YTHDC1: variants seen among roughly 807,000 people sequenced by gnomAD.
YTHDC1 encodes the protein YTH domain-containing protein 1.
YTHDC1 carries 12 observed loss-of-function variants against 107.0 expected under a neutral mutation model. The ratio of observed to expected loss-of-function variants is 0.11; its 90% confidence interval spans 0.07 to 0.18. YTHDC1 has a LOEUF of 0.18. Among genes scored for constraint, YTHDC1 ranks in the 10% least tolerant of loss-of-function variants. The pLI is 1.00. For synonymous variants in YTHDC1, 280 were observed against 289.5 expected (o/e 0.97, Z 0.33); for missense variants, 635 against 898.8 (o/e 0.71, Z 3.75).
chr4:68,318,822 T>C lies in YTHDC1; in HGVS notation c.1721+4A>G. On this transcript the variant is annotated splice_donor_region_variant and intron_variant, in intron 13 of 16. Transcript: ENST00000344157. ...AAAACTAGGCAAGAGTGAACCCGAC[T>C]TACCTGTCCACTTCCTGGTATCGTG... is the stretch of plus-strand genomic sequence containing the variant. 6.2e-7 allele frequency: 1 copy of C among 1,614,160 alleles called. No homozygotes were observed. Among genetic ancestry groups the C allele is most frequent in the South Asian group, 1.1e-5 (1 of 91,080 alleles).
In YTHDC1 at chr4:68,314,117, T is replaced by G; in HGVS notation, c.2166A>C (p.Arg722Ser). 2.5e-6 allele frequency: 4 copies of G among 1,614,116 alleles called. No individual in the cohort carries two copies. The highest frequency in any genetic ancestry group is 3.4e-6 in the Non-Finnish European group (4 of 1,180,012). ...AAGCCCATTATCTTCTATATCGACC[T>G]CTCTCCCCTCGGTCTCTGTCTCGAT... ...LCDRDRDRGE[R>S]GRYRR is the part of the protein sequence containing the mutation. Residue 722 changes from arginine to serine, a missense_variant, in exon 17 of 17, where the codon AGA becomes AGC. Coordinates refer to ENST00000344157, the MANE Select transcript of YTHDC1 (RefSeq NM_001031732.4).
intron 12 of YTHDC1, among the ~76,000 whole-genome samples, chr4:68,319,245 G>A (rs968372731): frequency 2.0e-5 from 3 of 152,052 alleles, no homozygotes; most frequent in Non-Finnish European, 4.4e-5. Flanking sequence ...GTATATGTAG[G>A]TCTTACCAAG....
intron 9 of YTHDC1, among the ~76,000 whole-genome samples, chr4:68,327,071 T>C (rs1211768347): frequency 6.6e-6 from 1 of 151,224 alleles, no homozygotes. Context: ...ACCCCGTCTC[T>C]ACTAAAAATA....
intron 1 of YTHDC1, among the ~76,000 whole-genome samples, chr4:68,341,875 G>C (rs535085483): frequency 8.7e-4 from 132 of 152,270 alleles, no homozygotes; most frequent in Non-Finnish European, 1.6e-3. Context: ...CTTAAAAAAG[G>C]TCAGTTTTGG....
intron 1 of YTHDC1, among the ~76,000 whole-genome samples, chr4:68,346,096 T>TATATATATATAC (rs1230266568): frequency 1.4e-5 from 2 of 140,382 alleles, no homozygotes; most frequent in African/African-American, 5.4e-5. Flanking sequence ...TATATATATA[T>TATATATATATAC]ATATACACAC....
chr4:68,349,523 G>C (rs1725839651), intron 1 of YTHDC1, among the ~76,000 whole-genome samples: 1 of 151,938 alleles, frequency 6.6e-6, no homozygotes, highest in African/African-American at 2.4e-5. Flanking sequence ...GAGATGAAGT[G>C]CTAGGCCATA....
chr4:68,346,099 A>ATATATATATATATATG (rs961023477), intron 1 of YTHDC1, among the ~76,000 whole-genome samples: 95 of 141,466 alleles, frequency 6.7e-4, no homozygotes, highest in African/African-American at 2.4e-3. Flanking sequence ...ATATATATAT[A>ATATATATATATATATG]TACACACACA....
rs1725150460 is a variant in YTHDC1 at position 68,344,124 on chromosome 4, GA to G, written c.28+5601del. 5 of 151,876 alleles carry G rather than the reference GA, an allele frequency of 3.3e-5. No individual in the cohort carries two copies. The South Asian group carries it at 1.0e-3, about 32-fold the overall frequency. The allele number at this position is 151,876 out of a possible 1,614,324, so 9.4% of individuals were successfully genotyped here. ...GGTAACATATGTCAAAGTTTTGCAT[GA>G]GACAATCTGGGTTTGTATCTGGTGA... On this transcript the variant is annotated intron_variant, in intron 1 of 16. Coordinates refer to ENST00000344157, the MANE Select transcript of YTHDC1 (RefSeq NM_001031732.4).
At chr4:68,317,668 T>G (rs1722008774) in intron 15 of YTHDC1, among the ~76,000 whole-genome samples, 1 of 152,346 alleles carries the variant, frequency 6.6e-6, no homozygotes, top group African/African-American at 2.4e-5. Context: ...TAGTGAGTAT[T>G]AGATCAGGCA....
Position 68,310,748 on chromosome 4 carries a change from T to C in YTHDC1, c.*3351A>G, listed in dbSNP as rs1409255596. ...CATGTGTGTCACAGTCACCCTTACGTTGGGTCAGGGAACTCTAGCTTGGTC... is the reference window on the plus strand; with the variant it reads ...CATGTGTGTCACAGTCACCCTTACGCTGGGTCAGGGAACTCTAGCTTGGTC... On this transcript the variant is annotated 3_prime_UTR_variant, in exon 17 of 17. Coordinates refer to ENST00000344157, the MANE Select transcript of YTHDC1 (RefSeq NM_001031732.4). 6.6e-6 allele frequency: 1 copy of C among 152,194 alleles called. No homozygotes were observed. The highest frequency in any genetic ancestry group is 1.5e-5 in the Non-Finnish European group (1 of 68,036). The allele number at this position is 152,194 out of a possible 1,614,324, so 9.4% of individuals were successfully genotyped here.
chr4:68,345,645 C>G (rs912172244), intron 1 of YTHDC1, among the ~76,000 whole-genome samples: 3 of 151,972 alleles, frequency 2.0e-5, no homozygotes, highest in Admixed American at 6.6e-5. Flanking sequence ...AATTTTCTAC[C>G]TTACTTATAC....
At chr4:68,324,258 C>T in intron 9 of YTHDC1, 35 bp from the exon 10 acceptor site, 1 of 1,568,972 alleles carries the variant, frequency 6.4e-7, no homozygotes, top group Non-Finnish European at 8.8e-7. Context: ...CATTCTTCTG[C>T]AGAATCCTTT....
At chr4:68,331,071 A>T (rs1723527842) in intron 7 of YTHDC1, among the ~76,000 whole-genome samples, 1 of 152,106 alleles carries the variant, frequency 6.6e-6, no homozygotes, top group Non-Finnish European at 1.5e-5. Flanking sequence ...CCTTATATAA[A>T]ATGGCACAGT....
At chr4:68,317,214 A>G (rs940529998) in intron 15 of YTHDC1, among the ~76,000 whole-genome samples, 1 of 152,026 alleles carries the variant, frequency 6.6e-6, no homozygotes, top group African/African-American at 2.4e-5. Flanking sequence ...ACCGAATGAG[A>G]CCCTGTCTCT....
intron 7 of YTHDC1, among the ~76,000 whole-genome samples, chr4:68,331,060 C>A (rs1054784545): frequency 6.6e-6 from 1 of 152,066 alleles, no homozygotes; most frequent in African/African-American, 2.4e-5. Flanking sequence ...ATGCTCAAGT[C>A]CCTTATATAA....
At chr4:68,319,449 G>A (rs1722210291) in intron 12 of YTHDC1, among the ~76,000 whole-genome samples, 1 of 152,082 alleles carries the variant, frequency 6.6e-6, no homozygotes, top group African/African-American at 2.4e-5. Context: ...CATGTTACTG[G>A]GGAAAAACTA....
At chr4:68,316,796 A>G (rs909619378) in intron 15 of YTHDC1, among the ~76,000 whole-genome samples, 4 of 152,214 alleles carry the variant, frequency 2.6e-5, no homozygotes, top group Non-Finnish European at 2.9e-5. Context: ...CAGTTTACAA[A>G]AGGGAAAACT....
chr4:68,339,539 G>A (rs2109734411), intron 1 of YTHDC1, among the ~76,000 whole-genome samples: 1 of 152,226 alleles, frequency 6.6e-6, no homozygotes, highest in African/African-American at 2.4e-5. Flanking sequence ...TAAGTATTTA[G>A]GGACAAAGAT....
At chr4:68,346,078 CATATATATATAT>C (rs34633749) in intron 1 of YTHDC1, among the ~76,000 whole-genome samples, 1 of 132,678 alleles carries the variant, frequency 7.5e-6, no homozygotes, top group African/African-American at 2.9e-5. Flanking sequence ...TGTGTGTGTA[CATATATATATAT>C]ATATATATAT....
Sources: allele counts gnomAD v4.1 joint callset (sites outside exome capture counted in the v4.1 genomes callset), GRCh38; gene constraint gnomAD v4.1.1; transcripts MANE v1.5; gene names NCBI Gene and HGNC (gene_info 2026-07-23, HGNC 2026-07-21).